UBR1: variants seen among roughly 807,000 people sequenced by gnomAD.
The protein encoded by UBR1 is ubiquitin protein ligase E3 component n-recognin 1.
Under a neutral mutation model 242.1 loss-of-function variants are expected in UBR1, and 102 were observed. The observed-to-expected ratio is 0.42, with a 90% CI of 0.36 to 0.50. UBR1 has a LOEUF of 0.50. Among genes scored for constraint, UBR1 ranks in the 20% least tolerant of loss-of-function variants. The pLI, the probability that UBR1 is intolerant of heterozygous loss-of-function variation, is 0.01. For synonymous variants in UBR1, 675 were observed against 684.8 expected, an observed-to-expected ratio of 0.99 and a Z score of 0.22; for missense variants, 1,772 against 2,101.8, an observed-to-expected ratio of 0.84 and a Z score of 3.07.
intron 46 of UBR1, among the ~76,000 whole-genome samples, chr15:42,950,027 C>T (rs1286904618): frequency 5.9e-5 from 9 of 151,474 alleles, no homozygotes; most frequent in African/African-American, 1.7e-4. Context: ...TTAGTAGCGA[C>T]GGGTTTTCAC....
chr15:43,011,144 T>C (rs1165530501), intron 29 of UBR1, among the ~76,000 whole-genome samples: 6 of 151,510 alleles, frequency 4.0e-5, no homozygotes, highest in Admixed American at 2.0e-4. Flanking sequence ...GAAGAGCCAC[T>C]GCATTCTAGC....
At chr15:42,974,448 C>A (rs1429191701) in intron 39 of UBR1, among the ~76,000 whole-genome samples, 1 of 152,156 alleles carries the variant, frequency 6.6e-6, no homozygotes, top group African/African-American at 2.4e-5. Context: ...CTTTTGCCAA[C>A]CACACTGTCT....
At chr15:43,056,164 C>A (rs1477151584) in intron 11 of UBR1, among the ~76,000 whole-genome samples, 180 bp downstream of exon 11, 1 of 152,202 alleles carries the variant, frequency 6.6e-6, no homozygotes, top group Non-Finnish European at 1.5e-5. Context: ...TCTGCATTGA[C>A]GAGGACATCT....
intron 4 of UBR1, 86 bp downstream of exon 4, chr15:43,074,893 T>C (rs1051790128): frequency 1.8e-6 from 2 of 1,142,558 alleles, no homozygotes; most frequent in African/African-American, 1.5e-5. Flanking sequence ...GGGTTCTAAC[T>C]GGAATCTATA....
At chr15:42,969,205 C>A (rs564158049) in intron 40 of UBR1, among the ~76,000 whole-genome samples, 104 of 152,170 alleles carry the variant, frequency 6.8e-4, no homozygotes, top group Non-Finnish European at 1.2e-3. Flanking sequence ...TTAATGATTG[C>A]CATTCTAACT....
chr15:42,954,447 C>T (rs1192806739), intron 44 of UBR1, among the ~76,000 whole-genome samples: 3 of 152,074 alleles, frequency 2.0e-5, no homozygotes, highest in African/African-American at 7.2e-5. Flanking sequence ...CCTATTGGGC[C>T]AGTTAACTTC....
At chr15:42,954,335 A>T (rs1267661937) in intron 44 of UBR1, among the ~76,000 whole-genome samples, 1 of 152,170 alleles carries the variant, frequency 6.6e-6, no homozygotes, top group East Asian at 1.9e-4. Flanking sequence ...TGAAAGGTAA[A>T]GTGACCCAAC....
In UBR1 at chr15:42,986,206, T is replaced by C. The variant is rs1346629592; in HGVS notation, c.3998-1264A>G. ...TTTTGATTCCTCAACTATTATCCTA[T>C]GCCAATGCATTCTGTACATATCTCT... On this transcript the variant is annotated intron_variant, in intron 35 of 46. Transcript: ENST00000290650. Among the ~76,000 whole-genome samples, 4 of 152,280 alleles carry C rather than the reference T, an allele frequency of 2.6e-5. No individual in the cohort carries two copies. In the South Asian group the frequency reaches 6.2e-4, roughly 24 times the overall value.
At chr15:43,040,244 A>C (rs1339220176) in intron 15 of UBR1, among the ~76,000 whole-genome samples, 2 of 152,208 alleles carry the variant, frequency 1.3e-5, no homozygotes, top group Non-Finnish European at 2.9e-5. Context: ...ACTGGTACCA[A>C]AACAGAGATA....
intron 1 of UBR1, among the ~76,000 whole-genome samples, chr15:43,095,285 A>C (rs1046885075): frequency 1.3e-5 from 2 of 152,254 alleles, no homozygotes; most frequent in African/African-American, 4.8e-5. Context: ...AAAGACATTA[A>C]GTAGTTACAG....
rs760359581 is a variant in UBR1 at position 43,086,145 on chromosome 15, CA to C, written c.176del (p.Leu59TrpfsTer29). On this transcript the variant is annotated frameshift_variant, in exon 2 of 47. Transcript: ENST00000290650. LOFTEE classifies it high-confidence loss of function. ...TTTGTACACTTTCCTCCTGCTTTTC[CA>C]AGTCTGGGTCCATTTCAGCAAAGTA... ...EIYFAEMDPD[L>X]EKQEESVQMS... 4 of 1,613,896 alleles carry C rather than the reference CA, an allele frequency of 2.5e-6. No homozygotes were observed. The South Asian group carries it at 4.4e-5, about 18-fold the overall frequency.
intron 35 of UBR1, 107 bp downstream of exon 35, chr15:42,988,712 T>A (rs946063627): frequency 6.8e-7 from 1 of 1,471,168 alleles, no homozygotes; most frequent in Non-Finnish European, 9.5e-7. Context: ...ATAGTCCTCA[T>A]ACAAGTCAAA....
chr15:43,047,455 A>G (rs2033499959), intron 13 of UBR1, among the ~76,000 whole-genome samples, 166 bp from the exon 14 acceptor site: 1 of 152,242 alleles, frequency 6.6e-6, no homozygotes, highest in African/African-American at 2.4e-5. Context: ...GCTCAGGGTT[A>G]GAACATTAAC....
intron 42 of UBR1, among the ~76,000 whole-genome samples, chr15:42,961,574 C>T (rs1232143537): frequency 6.6e-6 from 1 of 151,888 alleles, no homozygotes; most frequent in Non-Finnish European, 1.5e-5. Flanking sequence ...AGGCATGCGC[C>T]ACCACGCCTG....
intron 1 of UBR1, among the ~76,000 whole-genome samples, chr15:43,101,278 T>C (rs959096662): frequency 6.6e-6 from 1 of 152,182 alleles, no homozygotes; most frequent in Non-Finnish European, 1.5e-5. Flanking sequence ...ATGATCTCAT[T>C]TAATCTTTAA....
intron 9 of UBR1, 87 bp downstream of exon 9, chr15:43,058,998 T>C: frequency 9.6e-7 from 1 of 1,037,190 alleles, no homozygotes; most frequent in Non-Finnish European, 1.5e-6. Flanking sequence ...ATAACTAATT[T>C]AATAAACAAA....
chr15:43,073,507 T>TACCATGAAATACAATTCTTATTG (rs1319348150), intron 4 of UBR1, among the ~76,000 whole-genome samples: 1 of 152,222 alleles, frequency 6.6e-6, no homozygotes, highest in Non-Finnish European at 1.5e-5. Flanking sequence ...GATACTTGGT[T>TACCATGAAATACAATTCTTATTG]ACCATGAAAT....
chr15:43,071,552 A>G (rs1199085915), intron 4 of UBR1, among the ~76,000 whole-genome samples: 1 of 152,162 alleles, frequency 6.6e-6, no homozygotes, highest in Admixed American at 6.5e-5. Context: ...TATACTTAAT[A>G]CTACTGAACG....
chr15:43,105,738 C>T (rs1055473957), intron 1 of UBR1, among the ~76,000 whole-genome samples: 1 of 152,182 alleles, frequency 6.6e-6, no homozygotes, highest in African/African-American at 2.4e-5. Context: ...AAGAATAATA[C>T]ATAACAAAGT....
Sources: gnomAD v4.1 joint callset for allele counts (sites outside exome capture counted in the v4.1 genomes callset) on GRCh38, gnomAD v4.1.1 for gene constraint, MANE v1.5 for transcripts, NCBI Gene and HGNC (gene_info 2026-07-23, HGNC 2026-07-21) for gene names.